Variants in CACNA1C observed in about 807,000 individuals in gnomAD.
CACNA1C encodes the protein calcium voltage-gated channel subunit alpha1 C.
A neutral mutation model predicts 229.0 loss-of-function variants in CACNA1C; 30 were observed. The observed-to-expected ratio is 0.13, with a 90% CI of 0.10 to 0.18. The LOEUF (loss-of-function observed/expected upper bound fraction) is 0.18. Among genes scored for constraint, CACNA1C ranks in the 10% least tolerant of loss-of-function variants. CACNA1C has a pLI of 1.00. For missense variants in CACNA1C, 1,658 were observed against 2,845.0 expected (o/e 0.58, Z 9.49); for synonymous variants, 1,114 against 1,132.5 (o/e 0.98, Z 0.33).
chr12:2,126,747 A>AC (rs953282490), intron 3 of CACNA1C, among the ~76,000 whole-genome samples: 15 of 152,186 alleles, frequency 9.9e-5, no homozygotes, highest in African/African-American at 3.6e-4. Context: ...ATTGGTGTAA[A>AC]ATTGGGGCAA....
Position 2,478,360 on chromosome 12 carries a change from C to T in CACNA1C, c.758-7744C>T, listed in dbSNP as rs753496779. Among the ~76,000 whole-genome samples the T allele has an allele frequency of 5.3e-5, 8 of 152,306 alleles. 2 individuals are homozygous for T. Among genetic ancestry groups the T allele is most frequent in the African/African-American group, 2.4e-5 (1 of 41,568 alleles). On this transcript the variant is annotated intron_variant, in intron 5 of 46. Coordinates refer to ENST00000399655, the MANE Select transcript of CACNA1C (RefSeq NM_000719.7). ...TGCTGCAGCCTCCCAGGATGGCCAG[C>T]GTGCCCTAGGGCCTGGCTGCTGGTT...
In CACNA1C at chr12:2,053,323, T is replaced by G; in HGVS notation, c.-240T>G. On this transcript the variant is annotated 5_prime_UTR_variant, in exon 1 of 47. The change abolishes an upstream ATG in the 5' untranslated region. Transcript: ENST00000399655. This position sits in a 1 kb window ranked among gnomAD's most constrained non-coding sequence, Gnocchi z 5.8. ...GGAAGGGGCCCGGATGTACTGAGGATGCGTTACAGTTTCACTCGAGGAGGC... is the reference window on the plus strand; with the variant it reads ...GGAAGGGGCCCGGATGTACTGAGGAGGCGTTACAGTTTCACTCGAGGAGGC... The G allele has an allele frequency of 7.9e-7, 1 of 1,267,252 alleles. No individual in the cohort carries two copies. 78.5% of individuals were successfully genotyped at this position (1,267,252 alleles called of 1,614,324 possible). A position where few individuals can be genotyped will look rare whatever the true frequency, so the allele number is the denominator to read the frequency against.
At chr12:2,257,488 C>T (rs1601041548) in intron 3 of CACNA1C, among the ~76,000 whole-genome samples, 1 of 152,304 alleles carries the variant, frequency 6.6e-6, no homozygotes, top group Non-Finnish European at 1.5e-5. Context: ...CCTAGATCCC[C>T]AGCATGCACA....
In CACNA1C at chr12:2,595,117, C is replaced by T. The variant is rs1423009431; in HGVS notation, c.2664-757C>T. ...GCCCTTCGAGGGTTTGGTGCTTCTG[C>T]AGCAGGAGGGCTTCTCAGAGCATTT... On this transcript the variant is annotated intron_variant, in intron 19 of 46. Transcript: ENST00000399655. The surrounding 1 kb of genome is among the most constrained non-coding windows in gnomAD (Gnocchi z 4.1). Among the ~76,000 whole-genome samples the T allele has an allele frequency of 6.6e-6, 1 of 152,292 alleles. No individual in the cohort carries two copies. The highest frequency in any genetic ancestry group is 6.5e-5 in the Admixed American group (1 of 15,304).
chr12:2,572,678 CCTT>C (rs369039128), intron 13 of CACNA1C, among the ~76,000 whole-genome samples: 4,337 of 123,990 alleles, frequency 0.035, 46 homozygotes, highest in African/African-American at 0.039. Flanking sequence ...TCTTCCTCCT[CCTT>C]CTTCTCTTCC....
chr12:2,080,071 G>C (rs1341709729), intron 1 of CACNA1C, among the ~76,000 whole-genome samples: 1 of 152,014 alleles, frequency 6.6e-6, no homozygotes, highest in Non-Finnish European at 1.5e-5. Flanking sequence ...GACCAGCCTG[G>C]CCAACATGGT....
At chr12:2,368,428 G>A (rs933025156) in intron 3 of CACNA1C, among the ~76,000 whole-genome samples, 1 of 151,214 alleles carries the variant, frequency 6.6e-6, no homozygotes, top group Non-Finnish European at 1.5e-5. Flanking sequence ...CCCCAGAAAC[G>A]TGACTGGATA....
chr12:2,208,928 A>G (rs1372569237), intron 3 of CACNA1C, among the ~76,000 whole-genome samples: 1 of 152,174 alleles, frequency 6.6e-6, no homozygotes, highest in Non-Finnish European at 1.5e-5. Flanking sequence ...AATGATTCTA[A>G]TCAAAGTGCT....
chr12:2,455,727 G>A (rs760482802), intron 4 of CACNA1C, among the ~76,000 whole-genome samples: 52 of 152,070 alleles, frequency 3.4e-4, no homozygotes, highest in African/African-American at 6.8e-4. Flanking sequence ...TAAACCCAGC[G>A]GTCGGTGTCC....
At chr12:2,341,441 CTCT>C (rs1279808982) in intron 3 of CACNA1C, among the ~76,000 whole-genome samples, 1 of 152,194 alleles carries the variant, frequency 6.6e-6, no homozygotes, top group African/African-American at 2.4e-5. Flanking sequence ...TGAGGCCCTG[CTCT>C]TCTAAGTATG....
chr12:2,314,691 A>ATTGTTCATGTTCATCGGTGTATAGTG (rs2095600376), intron 3 of CACNA1C, among the ~76,000 whole-genome samples: 1 of 152,166 alleles, frequency 6.6e-6, no homozygotes, highest in Non-Finnish European at 1.5e-5. Context: ...GGTGTATAGT[A>ATTGTTCATGTTCATCGGTGTATAGTG]TTCCATTGTT....
intron 1 of CACNA1C, chr12:1,991,827 A>G (rs1042757159): frequency 1.3e-5 from 2 of 154,314 alleles, no homozygotes. Flanking sequence ...TATGTGATCT[A>G]TAATAAGAAT....
In CACNA1C at chr12:2,340,695, C is replaced by T. The variant is rs1336018572; in HGVS notation, c.478-108281C>T. Among the ~76,000 whole-genome samples, 5 of 152,302 alleles carry T rather than the reference C, an allele frequency of 3.3e-5. No homozygotes were observed. The South Asian group carries it at 8.3e-4, about 25-fold the overall frequency. The stretch of plus-strand genomic sequence containing the variant: ...GACACTGGCTGGGTGTGGTGGCTCA[C>T]GCCTGTAATCCCAGCACTTTGGGAG... On this transcript the variant is annotated intron_variant, in intron 3 of 46. Coordinates refer to ENST00000399655, the MANE Select transcript of CACNA1C (RefSeq NM_000719.7).
chr12:2,266,738 G>C (rs2082535405), intron 3 of CACNA1C, among the ~76,000 whole-genome samples: 1 of 152,188 alleles, frequency 6.6e-6, no homozygotes, highest in African/African-American at 2.4e-5. Flanking sequence ...AAATTCTTAG[G>C]AAAGCTGCAA....
chr12:2,314,902 G>A (rs186599289), intron 3 of CACNA1C, among the ~76,000 whole-genome samples: 1 of 152,292 alleles, frequency 6.6e-6, no homozygotes, highest in Non-Finnish European at 1.5e-5. Flanking sequence ...GTTTTACAAA[G>A]TGGTTTTGCA....
rs79899792 is a variant in CACNA1C at position 2,292,211 on chromosome 12, A to G, written c.478-156765A>G. ...GGTTGAGAGTTTAGTAGACAAGAGA[A>G]GCCTGTGCTAAATCTGTGTACAATA... On this transcript the variant is annotated intron_variant, in intron 3 of 46. Coordinates refer to ENST00000399655, the MANE Select transcript of CACNA1C (RefSeq NM_000719.7). Among the ~76,000 whole-genome samples, 1,109 of 152,344 alleles carry G rather than the reference A, an allele frequency of 7.3e-3. 1 individual carries two copies. Among genetic ancestry groups the G allele is most frequent in the Middle Eastern group, 0.02 (6 of 294 alleles).
At chr12:2,094,656 C>T (rs2073008681) in intron 1 of CACNA1C, among the ~76,000 whole-genome samples, 2 of 152,142 alleles carry the variant, frequency 1.3e-5, no homozygotes, top group Admixed American at 1.3e-4. Context: ...TCTAGAGTCA[C>T]ACAGCTGCTT....
chr12:2,680,678 C>T (rs970297308), intron 42 of CACNA1C: 35 of 963,430 alleles, frequency 3.6e-5, no homozygotes, highest in Non-Finnish European at 5.3e-5. Context: ...GCACACCTGC[C>T]GCTGGCCTGC....
chr12:2,557,346 A>T (rs1218001691), intron 11 of CACNA1C, among the ~76,000 whole-genome samples: 2 of 152,148 alleles, frequency 1.3e-5, no homozygotes, highest in East Asian at 3.9e-4. Context: ...GTGAGATGTA[A>T]CCTTTGATGA....
Sources: allele counts gnomAD v4.1 joint callset (sites outside exome capture counted in the v4.1 genomes callset), GRCh38; gene constraint gnomAD v4.1.1; non-coding constraint Gnocchi (gnomAD v3.1); transcripts MANE v1.5; gene names NCBI Gene and HGNC (gene_info 2026-07-23, HGNC 2026-07-21).